The following LRRC37A2 variants were observed in gnomAD, a reference collection of about 807,000 sequenced individuals.
LRRC37A2 encodes leucine-rich repeat-containing protein 37A2.
In LRRC37A2, 9 loss-of-function variants were observed where a neutral mutation model predicts 68.8. That is an observed-to-expected ratio of 0.13 (90% confidence interval 0.08 to 0.23). The LOEUF (loss-of-function observed/expected upper bound fraction) is 0.23, where lower values mean the gene tolerates loss of function less well. LRRC37A2 is among the 10% of genes least tolerant of loss of function. LRRC37A2 has a pLI of 1.00. For missense variants in LRRC37A2, 168 were observed against 950.4 expected (o/e 0.18, Z 10.82); for synonymous variants, 63 against 367.6 (o/e 0.17, Z 9.48).
At chr17:46,959,721 T>C in the LRRC37A2 span, among the ~76,000 whole-genome samples, 1 of 152,196 alleles carries the variant, frequency 6.6e-6, no homozygotes, top group Non-Finnish European at 1.5e-5. Context: ...TTTTTCCTAT[T>C]CTGGGCTCTC....
At chr17:46,787,052 C>T in the LRRC37A2 span, among the ~76,000 whole-genome samples, 1 of 152,054 alleles carries the variant, frequency 6.6e-6, no homozygotes, top group African/African-American at 2.4e-5. Flanking sequence ...GTCCTTCCAC[C>T]TCAGCCTCCT....
At chr17:46,846,980 G>C in the LRRC37A2 span, among the ~76,000 whole-genome samples, 33 of 152,260 alleles carry the variant, frequency 2.2e-4, 1 homozygote, top group South Asian at 6.8e-3. Context: ...TACCTTTCCT[G>C]CAAATGCTTA....
chr17:46,857,035 G>C, the LRRC37A2 span, among the ~76,000 whole-genome samples: 1 of 152,028 alleles, frequency 6.6e-6, no homozygotes, highest in Non-Finnish European at 1.5e-5. Context: ...TCTTTTGCTT[G>C]GATTATTTTG....
the LRRC37A2 span, among the ~76,000 whole-genome samples, chr17:46,456,208 ATATGTG>A: frequency 2.4e-4 from 5 of 20,622 alleles, no homozygotes; most frequent in African/African-American, 7.5e-4. Context: ...ATTCCATGGG[ATATGTG>A]TGTGTGTGTG....
the LRRC37A2 span, among the ~76,000 whole-genome samples, chr17:46,870,588 G>T: frequency 6.6e-6 from 1 of 151,984 alleles, no homozygotes; most frequent in Non-Finnish European, 1.5e-5. Flanking sequence ...TCCATGATGG[G>T]TTGACTGCAC....
the LRRC37A2 span, among the ~76,000 whole-genome samples, chr17:46,462,617 G>A: frequency 1.2e-5 from 1 of 80,666 alleles, no homozygotes; most frequent in African/African-American, 3.6e-5. Context: ...ACACAGGAAG[G>A]AAGAGCCTGC....
chr17:46,894,701 A>T, the LRRC37A2 span, among the ~76,000 whole-genome samples: 1 of 151,972 alleles, frequency 6.6e-6, no homozygotes, highest in Non-Finnish European at 1.5e-5. Flanking sequence ...CCTCCTGTGG[A>T]ATGACGAGCT....
chr17:47,014,191 A>C, the LRRC37A2 span, among the ~76,000 whole-genome samples: 2 of 152,140 alleles, frequency 1.3e-5, no homozygotes, highest in African/African-American at 4.8e-5. Context: ...GGAGTTCAAG[A>C]CCAGCCTGGC....
the LRRC37A2 span, among the ~76,000 whole-genome samples, chr17:46,855,329 T>C: frequency 6.6e-6 from 1 of 152,196 alleles, no homozygotes; most frequent in Non-Finnish European, 1.5e-5. Context: ...CTGTCCTCAG[T>C]AGTGAGACGG....
At chr17:46,810,173 ATT>A in the LRRC37A2 span, among the ~76,000 whole-genome samples, 1 of 151,460 alleles carries the variant, frequency 6.6e-6, no homozygotes, top group Non-Finnish European at 1.5e-5. Flanking sequence ...CGCCCAGCTA[ATT>A]TTTTGTATTT....
chr17:46,407,803 CATTTT>C, the LRRC37A2 span, among the ~76,000 whole-genome samples: 5 of 65,004 alleles, frequency 7.7e-5, no homozygotes, highest in African/African-American at 2.8e-4. Context: ...TTTAACTGAG[CATTTT>C]TCTTAAAATG....
the LRRC37A2 span, chr17:47,019,384 C>T: frequency 1.3e-5 from 21 of 1,611,020 alleles, no homozygotes; most frequent in Admixed American, 1.2e-4. Flanking sequence ...ACTACAATAC[C>T]TACTACAGAG....
the LRRC37A2 span, among the ~76,000 whole-genome samples, chr17:46,956,749 C>T: frequency 2.0e-5 from 3 of 152,292 alleles, no homozygotes; most frequent in South Asian, 4.1e-4. Context: ...GAGTAGCCTG[C>T]GTGGCTGCCA....
At chr17:46,768,287 T>TC in the LRRC37A2 span, 11 of 1,612,244 alleles carry the variant, frequency 6.8e-6, no homozygotes, top group South Asian at 4.4e-5. This position sits in a 1 kb window ranked among gnomAD's most constrained non-coding sequence, Gnocchi z 5.0. Flanking sequence ...GCTCCCAGCC[T>TC]CCCCCCTGCT....
the LRRC37A2 span, among the ~76,000 whole-genome samples, chr17:46,814,535 G>A: frequency 6.6e-6 from 1 of 152,196 alleles, no homozygotes; most frequent in Admixed American, 6.5e-5. Context: ...CTGGAAGGGA[G>A]ACCACCCGGT....
chr17:46,497,298 T>C, the LRRC37A2 span, among the ~76,000 whole-genome samples: 1 of 147,972 alleles, frequency 6.8e-6, no homozygotes, highest in Admixed American at 6.7e-5. Flanking sequence ...ACATTTAATA[T>C]GATTGATGAT....
chr17:46,771,293 T>C, the LRRC37A2 span, among the ~76,000 whole-genome samples: 1 of 152,074 alleles, frequency 6.6e-6, no homozygotes, highest in East Asian at 1.9e-4. Context: ...CGTCCAGTTG[T>C]GCTCCCGGCC....
chr17:47,013,774 G>C, the LRRC37A2 span, among the ~76,000 whole-genome samples: 1 of 152,238 alleles, frequency 6.6e-6, no homozygotes, highest in East Asian at 1.9e-4. Context: ...ACCCAGTGAA[G>C]AGATTGTAAA....
At chr17:46,976,927 A>ATTCG in the LRRC37A2 span, among the ~76,000 whole-genome samples, 2 of 152,148 alleles carry the variant, frequency 1.3e-5, no homozygotes, top group Admixed American at 1.3e-4. Flanking sequence ...CATTCTCCAC[A>ATTCG]TTCGGGGTTT....
Sources: gnomAD v4.1 joint callset for allele counts (sites outside exome capture counted in the v4.1 genomes callset) on GRCh38, gnomAD v4.1.1 for gene constraint, Gnocchi (gnomAD v3.1) non-coding constraint, MANE v1.5 for transcripts, NCBI Gene and HGNC (gene_info 2026-07-23, HGNC 2026-07-21) for gene names.